Variants in BPIFC observed in about 807,000 individuals in gnomAD.
The protein encoded by BPIFC is BPI fold-containing family C protein.
In BPIFC, 60 loss-of-function variants were observed where a neutral mutation model predicts 57.6. The observed-to-expected ratio is 1.04, with a 90% confidence interval of 0.85 to 1.29. BPIFC has a LOEUF of 1.29. BPIFC is among the 50% of genes most tolerant of loss of function. The pLI is 0.00. For synonymous variants in BPIFC, 243 were observed against 224.5 expected (o/e 1.08, Z -0.74); for missense variants, 581 against 600.5 (o/e 0.97, Z 0.34).
At position 32,455,179 on chromosome 22, in the gene BPIFC, T is replaced by A. The variant is rs570469503; in HGVS notation, c.125-1676A>T. Among the ~76,000 whole-genome samples, 41 of 151,428 alleles carry A rather than the reference T, an allele frequency of 2.7e-4. No individual in the cohort carries two copies. The South Asian group carries it at 8.6e-3, about 32-fold the overall frequency. On this transcript the variant is annotated intron_variant, in intron 3 of 16. Transcript: ENST00000300399. ...GATTCTCCTGCCTCAGCCTCCCAAG[T>A]AGCTGGGACTACAGGCGCATGCCAC...
intron 2 of BPIFC, among the ~76,000 whole-genome samples, chr22:32,461,018 T>C (rs1406142496): frequency 3.3e-5 from 5 of 152,198 alleles, no homozygotes; most frequent in Non-Finnish European, 7.3e-5. Context: ...ATTTGTGTAC[T>C]AGTAAACTGC....
chr22:32,433,722 G>A lies in BPIFC; in HGVS notation c.975C>T (p.Ser325=), dbSNP rs1164788114. The change falls in exon 11 of 17, where the codon TCC becomes TCT. Residue 325 remains serine, a synonymous_variant. Transcript: ENST00000300399. The part of the protein sequence containing the change: ...QNSQGLGNVL[S]RIAEIYILSQ... Reference sequence around the variant, plus strand: ...GACTCAAACCCTGAGCACTTACCCGGGAGAGCACGTTGCCAAGGCCTTGAG... The same window carrying A: ...GACTCAAACCCTGAGCACTTACCCGAGAGAGCACGTTGCCAAGGCCTTGAG... 6.2e-7 allele frequency: 1 copy of A among 1,613,646 alleles called. No homozygotes were observed. The highest frequency in any genetic ancestry group is 1.3e-5 in the African/African-American group (1 of 74,896).
chr22:32,452,033 T>C (rs1483758051), intron 4 of BPIFC, among the ~76,000 whole-genome samples: 1 of 152,182 alleles, frequency 6.6e-6, no homozygotes, highest in Non-Finnish European at 1.5e-5. Flanking sequence ...CCCATGTCAC[T>C]GGGACTACAG....
At chr22:32,448,714 C>A (rs979681406) in intron 4 of BPIFC, among the ~76,000 whole-genome samples, 3 of 151,970 alleles carry the variant, frequency 2.0e-5, no homozygotes, top group Non-Finnish European at 2.9e-5. Context: ...CCGAGGCGGG[C>A]AGATCACAAG....
At chr22:32,425,522 C>T (rs1001281832) in intron 13 of BPIFC, among the ~76,000 whole-genome samples, 14 of 152,158 alleles carry the variant, frequency 9.2e-5, no homozygotes, top group South Asian at 8.3e-4. Context: ...TGATCTTGTA[C>T]GATTGAGCAC....
chr22:32,451,282 AT>A (rs1270884812), intron 4 of BPIFC, among the ~76,000 whole-genome samples: 5 of 152,218 alleles, frequency 3.3e-5, no homozygotes, highest in Non-Finnish European at 7.3e-5. Flanking sequence ...ATAGTTGGAC[AT>A]TTGGGCTGGT....
intron 8 of BPIFC, among the ~76,000 whole-genome samples, chr22:32,440,310 A>G (rs1027045182): frequency 6.6e-6 from 1 of 151,998 alleles, no homozygotes; most frequent in Admixed American, 6.5e-5. Flanking sequence ...AATTAAAAAA[A>G]AATTTTTTTT....
At chr22:32,424,722 CTTCT>C (rs1933993798) in intron 13 of BPIFC, among the ~76,000 whole-genome samples, 1 of 96,604 alleles carries the variant, frequency 1.0e-5, no homozygotes, top group Non-Finnish European at 2.0e-5. Flanking sequence ...TCTTCCTCTT[CTTCT>C]TCCTCTTCTT....
At chr22:32,450,024 A>G (rs902964311) in intron 4 of BPIFC, among the ~76,000 whole-genome samples, 22 of 150,930 alleles carry the variant, frequency 1.5e-4, no homozygotes, top group Non-Finnish European at 2.8e-4. Context: ...GTGAGCCATC[A>G]CGCCCAGCCG....
At chr22:32,425,930 G>T (rs781297859) in intron 13 of BPIFC, among the ~76,000 whole-genome samples, 1 of 152,182 alleles carries the variant, frequency 6.6e-6, no homozygotes, top group Non-Finnish European at 1.5e-5. Flanking sequence ...CCATTTTACA[G>T]AGGAGGAAAT....
intron 4 of BPIFC, 138 bp downstream of exon 4, chr22:32,453,245 G>C (rs1403835228): frequency 3.4e-6 from 2 of 587,748 alleles, no homozygotes. Context: ...CTTGAGAATA[G>C]AAACCAGAGC....
chr22:32,442,576 G>A, intron 8 of BPIFC, 95 bp downstream of exon 8: 1 of 1,244,796 alleles, frequency 8.0e-7, no homozygotes, highest in Non-Finnish European at 1.2e-6. Flanking sequence ...AGGATGGATA[G>A]CTCAAGCTAT....
chr22:32,424,127 T>G (rs1360432969), intron 13 of BPIFC, among the ~76,000 whole-genome samples: 2 of 152,102 alleles, frequency 1.3e-5, no homozygotes, highest in Non-Finnish European at 2.9e-5. Flanking sequence ...ACATACATTA[T>G]CTCATCCACC....
intron 9 of BPIFC, among the ~76,000 whole-genome samples, chr22:32,436,530 A>C (rs948720140): frequency 6.6e-6 from 1 of 152,216 alleles, no homozygotes; most frequent in African/African-American, 2.4e-5. Flanking sequence ...AAAACTGTTA[A>C]GGCTTTCTGA....
rs868447338 is a variant in BPIFC at position 32,429,530 on chromosome 22, T to G, written c.1217+1817A>C. Among the ~76,000 whole-genome samples the G allele has an allele frequency of 2.5e-3, 323 of 130,538 alleles. 1 individual carries two copies. Among genetic ancestry groups the G allele is most frequent in the African/African-American group, 5.3e-3 (198 of 37,630 alleles). 85.6% of individuals were successfully genotyped at this position (130,538 alleles called of 152,430 possible). On this transcript the variant is annotated intron_variant, in intron 13 of 16. Transcript: ENST00000300399. ...CTTTGTTTTTTTTTTTTTTTTTTTT[T>G]TTTTTTCATGAAGTCCCGCTCTGTT...
At chr22:32,444,184 G>A (rs992543916) in intron 7 of BPIFC, among the ~76,000 whole-genome samples, 4 of 152,300 alleles carry the variant, frequency 2.6e-5, no homozygotes, top group South Asian at 4.1e-4. Context: ...ACCGTGCCTC[G>A]TTTCAAACAG....
At chr22:32,449,334 G>T (rs542733661) in intron 4 of BPIFC, among the ~76,000 whole-genome samples, 1 of 152,204 alleles carries the variant, frequency 6.6e-6, no homozygotes, top group Non-Finnish European at 1.5e-5. Flanking sequence ...GACTTCATTT[G>T]TGTATAATTA....
At chr22:32,417,021 A>G in intron 15 of BPIFC, 64 bp downstream of exon 15, 2 of 1,303,808 alleles carry the variant, frequency 1.5e-6, no homozygotes, top group Non-Finnish European at 2.2e-6. Flanking sequence ...TCCCCAGTGC[A>G]GCCGATGCAG....
intron 13 of BPIFC, among the ~76,000 whole-genome samples, chr22:32,425,175 G>A (rs1015974993): frequency 1.3e-5 from 2 of 152,136 alleles, no homozygotes; most frequent in Non-Finnish European, 2.9e-5. Flanking sequence ...GACTCACCCA[G>A]GTTCAAGTTC....
Sources: allele counts gnomAD v4.1 joint callset (sites outside exome capture counted in the v4.1 genomes callset), GRCh38; gene constraint gnomAD v4.1.1; transcripts MANE v1.5; gene names NCBI Gene and HGNC (gene_info 2026-07-23, HGNC 2026-07-21).